ROBO1: variants seen among roughly 807,000 people sequenced by gnomAD.
The protein encoded by ROBO1 is roundabout guidance receptor 1.
ROBO1 carries 149 observed loss-of-function variants against 195.9 expected under a neutral mutation model. That is an observed-to-expected ratio of 0.76 (90% CI 0.67 to 0.87). The LOEUF (loss-of-function observed/expected upper bound fraction) is 0.87. Among genes scored for constraint, ROBO1 ranks in the 40% least tolerant of loss-of-function variants. ROBO1 has a pLI of 0.00. For missense variants in ROBO1, 1,933 were observed against 2,068.3 expected, an observed-to-expected ratio of 0.93 and a Z score of 1.27; for synonymous variants, 816 against 733.2, an observed-to-expected ratio of 1.11 and a Z score of -1.82.
intron 1 of ROBO1, among the ~76,000 whole-genome samples, chr3:79,722,304 C>T (rs796430614): frequency 1.3e-5 from 2 of 152,192 alleles, no homozygotes; most frequent in East Asian, 1.9e-4. Context: ...TCTAAGCTTG[C>T]AATTAAGTAA....
At chr3:79,541,571 A>G (rs911740395) in intron 2 of ROBO1, among the ~76,000 whole-genome samples, 4 of 152,054 alleles carry the variant, frequency 2.6e-5, no homozygotes, top group African/African-American at 9.7e-5. Context: ...TCTTAAGGTA[A>G]CTTGTCAAAT....
At chr3:78,955,004 TAGGTAAACTGTGTGTCATGGGGTTATAC>T (rs2040969521) in intron 3 of ROBO1, among the ~76,000 whole-genome samples, 6 of 151,574 alleles carry the variant, frequency 4.0e-5, no homozygotes, top group South Asian at 2.1e-4. Context: ...GTTGGTTATA[TAGGTAAACTGTGTGTCATGGGGTTATAC>T]AGGTAAACTG....
chr3:79,085,245 T>A (rs2079346350), intron 3 of ROBO1, among the ~76,000 whole-genome samples: 1 of 152,188 alleles, frequency 6.6e-6, no homozygotes, highest in Non-Finnish European at 1.5e-5. Flanking sequence ...TTTGAGGGCT[T>A]AGAATTAAAC....
At chr3:79,390,463 G>GA (rs969386348) in intron 2 of ROBO1, among the ~76,000 whole-genome samples, 35 of 151,706 alleles carry the variant, frequency 2.3e-4, no homozygotes, top group Admixed American at 1.4e-3. Context: ...TTAGACACCA[G>GA]AAAAAAAAGA....
At chr3:79,395,338 A>AG (rs1184197266) in intron 2 of ROBO1, among the ~76,000 whole-genome samples, 17 of 148,214 alleles carry the variant, frequency 1.1e-4, no homozygotes, top group African/African-American at 2.5e-4. Context: ...AAAAAAAAAA[A>AG]AAAAAGAAAG....
chr3:79,567,593 A>G (rs964532483), intron 2 of ROBO1, among the ~76,000 whole-genome samples: 14 of 152,082 alleles, frequency 9.2e-5, no homozygotes, highest in Non-Finnish European at 1.8e-4. Flanking sequence ...AGCCAATAGT[A>G]TTGTTACATA....
At chr3:78,988,912 T>C (rs2077172741) in intron 3 of ROBO1, among the ~76,000 whole-genome samples, 1 of 152,152 alleles carries the variant, frequency 6.6e-6, no homozygotes, top group Non-Finnish European at 1.5e-5. Context: ...GTCTGTCATA[T>C]ACCAAAAAAA....
chr3:79,696,500 A>G (rs1270160003), intron 1 of ROBO1, among the ~76,000 whole-genome samples: 2 of 150,364 alleles, frequency 1.3e-5, no homozygotes, highest in Non-Finnish European at 3.0e-5. Flanking sequence ...ACAGATATAT[A>G]TGAGGTATAG....
chr3:78,920,182 T>C (rs2107591042), intron 4 of ROBO1, among the ~76,000 whole-genome samples: 1 of 152,364 alleles, frequency 6.6e-6, no homozygotes, highest in East Asian at 1.9e-4. Context: ...GAGAAGGTAA[T>C]TGTCTTACAT....
intron 3 of ROBO1, among the ~76,000 whole-genome samples, chr3:79,035,091 T>C (rs573672303): frequency 5.9e-5 from 9 of 152,220 alleles, no homozygotes; most frequent in African/African-American, 2.2e-4. Flanking sequence ...CGTTGGTATC[T>C]TAGTGTGAGG....
chr3:79,167,949 T>A (rs144086139), intron 2 of ROBO1, among the ~76,000 whole-genome samples: 1 of 152,330 alleles, frequency 6.6e-6, no homozygotes, highest in African/African-American at 2.4e-5. Context: ...GAATTTAGAA[T>A]GGTCACTGTC....
chr3:78,707,590 T>G (rs1448911721), intron 8 of ROBO1, among the ~76,000 whole-genome samples: 1 of 152,036 alleles, frequency 6.6e-6, no homozygotes, highest in African/African-American at 2.4e-5. Flanking sequence ...GAGACTAGAG[T>G]GACTTCACAT....
At chr3:79,575,416 A>G (rs1291490918) in intron 2 of ROBO1, among the ~76,000 whole-genome samples, 2 of 127,496 alleles carry the variant, frequency 1.6e-5, no homozygotes, top group East Asian at 4.2e-4. Context: ...TAGATAACAA[A>G]TATATATATA....
intron 2 of ROBO1, among the ~76,000 whole-genome samples, chr3:79,176,561 G>A (rs573191780): frequency 1.8e-4 from 27 of 152,258 alleles, no homozygotes; most frequent in African/African-American, 6.0e-4. Flanking sequence ...GGGTTCAAGT[G>A]ATTCTCTTGT....
At position 79,006,076 on chromosome 3, in the gene ROBO1, G is replaced by T. The variant is rs549984487; in HGVS notation, c.173-67149C>A. Among the ~76,000 whole-genome samples the T allele has an allele frequency of 9.1e-4, 139 of 152,186 alleles. 1 individual carries two copies. The highest frequency in any genetic ancestry group is 3.3e-3 in the African/African-American group (135 of 41,510). On this transcript the variant is annotated intron_variant, in intron 3 of 30. Coordinates refer to ENST00000464233, the MANE Select transcript of ROBO1 (RefSeq NM_002941.4). Reference sequence around the variant, plus strand: ...CAATCAGTAAGCTTTAAGCCATTTTGATAATTTCTCTTCTTATTCAAGAAT... The same window carrying T: ...CAATCAGTAAGCTTTAAGCCATTTTTATAATTTCTCTTCTTATTCAAGAAT...
At position 78,938,746 on chromosome 3, in the gene ROBO1, G is replaced by C; in HGVS notation, c.354C>G (p.His118Gln). The C allele has an allele frequency of 6.2e-7, 1 of 1,613,970 alleles. No individual in the cohort carries two copies. Among genetic ancestry groups the C allele is most frequent in the Non-Finnish European group, 8.5e-7 (1 of 1,179,878 alleles). Residue 118 changes from histidine to glutamine, a missense_variant, in exon 4 of 31, where the codon CAC (histidine) becomes CAG (glutamine). Coordinates refer to ENST00000464233, the MANE Select transcript of ROBO1 (RefSeq NM_002941.4). Reference protein sequence around the residue: ...VETDKDDPRSHRMLLPSGSLF... With the variant: ...VETDKDDPRSQRMLLPSGSLF... ...AAGATCCACTCGGCAGCAACATTCG[G>C]TGTGAGCGAGGGTCATCTTTGTCTG...
intron 2 of ROBO1, among the ~76,000 whole-genome samples, chr3:79,523,601 T>C (rs1423877059): frequency 1.3e-5 from 2 of 151,624 alleles, no homozygotes; most frequent in South Asian, 2.1e-4. Context: ...GCCTCCCAAG[T>C]AGCTGGGATT....
chr3:79,057,772 CCT>C, intron 3 of ROBO1, among the ~76,000 whole-genome samples: 1 of 151,988 alleles, frequency 6.6e-6, no homozygotes, highest in African/African-American at 2.4e-5. Context: ...GGCTTATGTG[CCT>C]TTTCCTCCAC....
intron 2 of ROBO1, among the ~76,000 whole-genome samples, chr3:79,468,407 T>G (rs79173039): frequency 0.048 from 7,379 of 152,236 alleles, 489 homozygotes; most frequent in African/African-American, 0.15. Flanking sequence ...AAGTCACATG[T>G]CACAACAAGA....
Sources: gnomAD v4.1 joint callset for allele counts (sites outside exome capture counted in the v4.1 genomes callset) on GRCh38, gnomAD v4.1.1 for gene constraint, MANE v1.5 for transcripts, NCBI Gene and HGNC (gene_info 2026-07-23, HGNC 2026-07-21) for gene names.